Variants in NDRG2 observed in about 807,000 individuals in gnomAD.
NDRG2 encodes the protein NDRG family member 2.
In NDRG2, 34 loss-of-function variants were observed where a neutral mutation model predicts 58.2. That is an observed-to-expected ratio of 0.58 (90% CI 0.44 to 0.78). The LOEUF is 0.78. NDRG2 is among the 30% of genes least tolerant of loss of function. NDRG2 has a pLI of 0.00. For missense variants in NDRG2, 434 were observed against 471.2 expected (o/e 0.92, Z 0.73); for synonymous variants, 187 against 175.9 (o/e 1.06, Z -0.50).
chr14:21,069,523 C>T (rs1263060453), intron 1 of NDRG2, among the ~76,000 whole-genome samples: 1 of 152,202 alleles, frequency 6.6e-6, no homozygotes, highest in South Asian at 2.1e-4. Context: ...AAATGTCCGG[C>T]GAAATGCACG....
chr14:21,068,829 G>A (rs1156915417), intron 1 of NDRG2, among the ~76,000 whole-genome samples: 1 of 152,226 alleles, frequency 6.6e-6, no homozygotes, highest in Non-Finnish European at 1.5e-5. Context: ...TAAGAAGGAT[G>A]AACACTTGCT....
chr14:21,061,016 TG>T (rs1241419683), intron 1 of NDRG2, among the ~76,000 whole-genome samples: 1 of 152,212 alleles, frequency 6.6e-6, no homozygotes, highest in Admixed American at 6.5e-5. Flanking sequence ...ATACCTAGGT[TG>T]GTACAACCGC....
At chr14:21,057,857 C>A in intron 1 of NDRG2, 1 of 1,575,084 alleles carries the variant, frequency 6.3e-7, no homozygotes, top group Non-Finnish European at 8.7e-7. Flanking sequence ...CATCCACCTA[C>A]CTCCTCACTC....
chr14:21,020,636 C>T, intron 7 of NDRG2, 54 bp from the exon 8 acceptor site: 1 of 1,594,890 alleles, frequency 6.3e-7, no homozygotes, highest in Non-Finnish European at 8.6e-7. Context: ...CTTATCCCCT[C>T]CCCGCTAAGC....
rs538504635 is a variant in NDRG2 at position 21,043,463 on chromosome 14, G to A, written c.25-20142C>T. ...CTGTACACTTGGACAGAGTCCTTTA[G>A]GTTTCCAGACTGGCTTGCTCTTTGG... On this transcript the variant is annotated intron_variant, in intron 1 of 14. Transcript: ENST00000403829. 8 of 1,578,176 alleles carry A rather than the reference G, an allele frequency of 5.1e-6. No individual in the cohort carries two copies. The South Asian group carries it at 8.3e-5, about 16-fold the overall frequency.
Position 21,018,242 on chromosome 14 carries a change from G to C in NDRG2, c.862-3C>G, listed in dbSNP as rs1381740214. The C allele has an allele frequency of 2.5e-6, 4 of 1,613,694 alleles. No homozygotes were observed. Among genetic ancestry groups the C allele is most frequent in the Non-Finnish European group, 3.4e-6 (4 of 1,180,020 alleles). ...GGCTGACCTCCGGAGTCAGCCATCT[G>C]TTCAGGAGAGCACCACCCAGAAAAA... On this transcript the variant is annotated splice_region_variant and splice_polypyrimidine_tract_variant and intron_variant, in intron 13 of 15. Transcript: ENST00000556147.
chr14:21,018,840 G>T (rs770631672), intron 11 of NDRG2, 26 bp from the exon 12 acceptor site: 1 of 1,613,872 alleles, frequency 6.2e-7, no homozygotes, highest in East Asian at 2.2e-5. Flanking sequence ...TGGGGAGAAG[G>T]CAGTGAGCCC....
chr14:21,028,478 T>G (rs1883848253), upstream of NDRG2: 1 of 152,146 alleles, frequency 6.6e-6, no homozygotes, highest in Non-Finnish European at 1.5e-5. Flanking sequence ...CCTCCCAAAG[T>G]GCTGGAATTA....
At chr14:21,025,247 C>T, upstream of NDRG2, 2 of 845,788 alleles carry the variant, frequency 2.4e-6, no homozygotes, top group Non-Finnish European at 2.8e-6. This position sits in a 1 kb window ranked among gnomAD's most constrained non-coding sequence, Gnocchi z 5.1. Context: ...GGGCGAGGGG[C>T]GGGCGGCTGG....
At chr14:21,030,299 T>C (rs1346655783), upstream of NDRG2, 1 of 404,780 alleles carries the variant, frequency 2.5e-6, no homozygotes. Flanking sequence ...ATCCGGGTAC[T>C]CTAAGGTACA....
upstream of NDRG2, chr14:21,030,543 G>C: frequency 6.3e-7 from 1 of 1,599,680 alleles, no homozygotes; most frequent in South Asian, 1.1e-5. Flanking sequence ...TCACCCCCAA[G>C]TGTCTCCCAC....
intron 1 of NDRG2, chr14:21,034,071 T>C (rs966217024): frequency 6.2e-7 from 1 of 1,614,194 alleles, no homozygotes; most frequent in Admixed American, 1.7e-5. Flanking sequence ...ATGTATCACA[T>C]AATGGATCTT....
chr14:21,046,823 A>G (rs1184840927), intron 1 of NDRG2: 1 of 152,234 alleles, frequency 6.6e-6, no homozygotes, highest in Non-Finnish European at 1.5e-5. Flanking sequence ...AGAGAAAAAA[A>G]AGGTGTCATT....
chr14:21,019,028 T>G (rs1878543922), intron 11 of NDRG2, 88 bp downstream of exon 11: 1 of 1,441,984 alleles, frequency 6.9e-7, no homozygotes, highest in East Asian at 2.3e-5. Flanking sequence ...GGAAGTTCCC[T>G]GGCAAAAGAT....
At chr14:21,053,423 C>G (rs1885551664) in intron 1 of NDRG2, among the ~76,000 whole-genome samples, 1 of 152,074 alleles carries the variant, frequency 6.6e-6, no homozygotes, top group Non-Finnish European at 1.5e-5. Context: ...GTCAGGAGTT[C>G]GAGACCAGCC....
chr14:21,018,357 G>A lies in NDRG2; in HGVS notation c.861+100C>T, dbSNP rs530382623. The A allele has an allele frequency of 4.6e-5, 73 of 1,602,356 alleles. No individual in the cohort carries two copies. In the South Asian group the frequency reaches 6.8e-4, roughly 15 times the overall value. On this transcript the variant is annotated intron_variant, in intron 13 of 15. Transcript: ENST00000556147. ...CTCTAGCCCCTTTGTTTTGTTCTTC[G>A]TTCACCCCATTTGCTCCCATGCCGG...
intron 1 of NDRG2, among the ~76,000 whole-genome samples, chr14:21,047,087 T>C (rs6571626): frequency 0.87 from 132,634 of 152,162 alleles, 57,940 homozygotes; most frequent in Admixed American, 0.9. Context: ...CACACTCTCT[T>C]CTATTATTTA....
intron 1 of NDRG2, chr14:21,058,206 T>C (rs1223482623): frequency 1.2e-6 from 2 of 1,614,018 alleles, no homozygotes; most frequent in Non-Finnish European, 1.7e-6. Context: ...CCCATGTCCC[T>C]GACCATGGGT....
At position 21,020,836 on chromosome 14, in the gene NDRG2, G is replaced by T. The variant is rs1178120021; in HGVS notation, c.416C>A (p.Thr139Lys). 1 of 1,613,114 alleles carries T rather than the reference G, an allele frequency of 6.2e-7. No homozygotes were observed. The highest frequency in any genetic ancestry group is 1.3e-5 in the African/African-American group (1 of 74,766). ...AGCTCCAACACCAACTCCAATTATT[G>T]TAGAGAAACTGTGAAAGGGAAAGAA... ...PCVLQYLNFS[T>K]IIGVGVGAGA... Residue 139 changes from threonine (T) to lysine (K), a missense_variant, in exon 7 of 16, where the codon ACA becomes AAA. Physicochemically the swap from Thr to Lys is moderately conservative, Grantham distance 78. Coordinates refer to ENST00000556147, the MANE Select transcript of NDRG2 (RefSeq NM_001320329.2).
Sources: gnomAD v4.1 joint callset for allele counts (sites outside exome capture counted in the v4.1 genomes callset) on GRCh38, gnomAD v4.1.1 for gene constraint, Gnocchi (gnomAD v3.1) non-coding constraint, MANE v1.5 for transcripts, NCBI Gene and HGNC (gene_info 2026-07-23, HGNC 2026-07-21) for gene names.